The following NCOA3 variants were observed in gnomAD, a reference collection of about 807,000 sequenced individuals.
NCOA3 encodes CBP-interacting protein.
A neutral mutation model predicts 158.8 loss-of-function variants in NCOA3; 51 were observed. The observed-to-expected ratio is 0.32, with a 90% CI of 0.26 to 0.41. The LOEUF (loss-of-function observed/expected upper bound fraction) is 0.41, where lower values mean the gene tolerates loss of function less well. Among genes scored for constraint, NCOA3 ranks in the 10% least tolerant of loss-of-function variants. The probability of loss-of-function intolerance (pLI) is 1.00; values close to 1 mark genes in which losing one functional copy is unlikely to be tolerated. For synonymous variants in NCOA3, 537 were observed against 592.4 expected (o/e 0.91, Z 1.36); for missense variants, 1,510 against 1,746.6 (o/e 0.86, Z 2.41).
rs773972983 is a variant in NCOA3 at position 47,652,421 on chromosome 20, C to G, written c.3962C>G (p.Pro1321Arg). ...TTTTTGTAAGGAATGGGACAACAAC[C>G]AGATCCAGCCTTTGGTCGAGTGTCT... ...YQPNYGMGQQ[P>R]DPAFGRVSSP... Residue 1321 changes from proline to arginine, a missense_variant, in exon 21 of 23, where the codon CCA becomes CGA. Pro to Arg is a moderately radical substitution (Grantham distance 103). Coordinates refer to ENST00000371998, the MANE Select transcript of NCOA3 (RefSeq NM_181659.3). 2.5e-6 allele frequency: 4 copies of G among 1,601,126 alleles called. No individual in the cohort carries two copies. Among genetic ancestry groups the G allele is most frequent in the Non-Finnish European group, 3.4e-6 (4 of 1,169,372 alleles).
intron 1 of NCOA3, among the ~76,000 whole-genome samples, chr20:47,508,330 A>G (rs1449974810): frequency 6.6e-6 from 1 of 152,200 alleles, no homozygotes; most frequent in Non-Finnish European, 1.5e-5. Flanking sequence ...TCATTCTTTT[A>G]AATAGATGTT....
chr20:47,590,760 G>A (rs1039787182), intron 2 of NCOA3, among the ~76,000 whole-genome samples: 3 of 152,036 alleles, frequency 2.0e-5, no homozygotes, highest in Admixed American at 6.6e-5. Flanking sequence ...TCAGTGAGCC[G>A]TGATCGCACC....
chr20:47,620,660 T>C (rs1452995290), intron 2 of NCOA3, among the ~76,000 whole-genome samples: 1 of 152,252 alleles, frequency 6.6e-6, no homozygotes, highest in Non-Finnish European at 1.5e-5. Context: ...AATTTGCATA[T>C]GTAATAGCCT....
intron 1 of NCOA3, among the ~76,000 whole-genome samples, chr20:47,555,863 C>T (rs1190605255): frequency 2.0e-5 from 3 of 150,198 alleles, no homozygotes; most frequent in East Asian, 3.9e-4. Flanking sequence ...AGGATGGTCT[C>T]GATCTCCTGA....
At chr20:47,559,213 G>A (rs2085061427) in intron 1 of NCOA3, among the ~76,000 whole-genome samples, 1 of 152,078 alleles carries the variant, frequency 6.6e-6, no homozygotes, top group Non-Finnish European at 1.5e-5. Context: ...GGTGGTCAGG[G>A]CATTGTCCAA....
intron 3 of NCOA3, 66 bp downstream of exon 3, chr20:47,622,396 A>C: frequency 2.8e-6 from 3 of 1,087,728 alleles, no homozygotes; most frequent in Non-Finnish European, 2.6e-6. Context: ...TAACATTTTA[A>C]CTTCTTGCCA....
chr20:47,578,560 A>G (rs1407090562), intron 1 of NCOA3, among the ~76,000 whole-genome samples: 1 of 152,214 alleles, frequency 6.6e-6, no homozygotes, highest in Non-Finnish European at 1.5e-5. Flanking sequence ...ATAGCTACAG[A>G]TTAGCTGTAG....
At chr20:47,651,622 T>C (rs539322464) in intron 20 of NCOA3, among the ~76,000 whole-genome samples, 1 of 152,152 alleles carries the variant, frequency 6.6e-6, no homozygotes, top group Non-Finnish European at 1.5e-5. Flanking sequence ...GTGAGAGGAA[T>C]GCACTTTGTG....
At chr20:47,555,128 C>A (rs1331009137) in intron 1 of NCOA3, among the ~76,000 whole-genome samples, 1 of 152,148 alleles carries the variant, frequency 6.6e-6, no homozygotes, top group Non-Finnish European at 1.5e-5. Context: ...TATTTACACT[C>A]TTGAAATTTC....
At chr20:47,542,350 T>A (rs1245043224) in intron 1 of NCOA3, among the ~76,000 whole-genome samples, 1 of 151,440 alleles carries the variant, frequency 6.6e-6, no homozygotes, top group Non-Finnish European at 1.5e-5. Context: ...TCCTGTAGAG[T>A]TTCTTATTGT....
intron 1 of NCOA3, among the ~76,000 whole-genome samples, chr20:47,530,409 A>G (rs1394416059): frequency 6.6e-6 from 1 of 151,334 alleles, no homozygotes; most frequent in East Asian, 1.9e-4. Flanking sequence ...TTTTAAAAAG[A>G]TTTGCATAGC....
At chr20:47,570,437 C>A (rs958833696) in intron 1 of NCOA3, among the ~76,000 whole-genome samples, 1 of 152,082 alleles carries the variant, frequency 6.6e-6, no homozygotes, top group East Asian at 1.9e-4. Context: ...AAGACCCTGT[C>A]TCCAAAAAAG....
intron 1 of NCOA3, among the ~76,000 whole-genome samples, chr20:47,575,324 A>ATAT (rs2085355322): frequency 6.6e-6 from 1 of 152,240 alleles, no homozygotes; most frequent in Non-Finnish European, 1.5e-5. Context: ...ATCTATATAT[A>ATAT]CGTATATGTA....
At chr20:47,652,620 C>T in intron 21 of NCOA3, 40 bp downstream of exon 21, 3 of 1,558,204 alleles carry the variant, frequency 1.9e-6, no homozygotes, top group Non-Finnish European at 2.6e-6. Flanking sequence ...ACATCCTAGT[C>T]CCAGAAGTCC....
At chr20:47,571,352 C>CT (rs1158788348) in intron 1 of NCOA3, among the ~76,000 whole-genome samples, 1 of 149,056 alleles carries the variant, frequency 6.7e-6, no homozygotes, top group African/African-American at 2.5e-5. Flanking sequence ...GATTCTCGCT[C>CT]TGTTGCCCAG....
intron 2 of NCOA3, among the ~76,000 whole-genome samples, chr20:47,600,476 G>A (rs1024599665): frequency 5.3e-5 from 8 of 149,990 alleles, no homozygotes; most frequent in African/African-American, 1.7e-4. Flanking sequence ...GCGCATGGCC[G>A]CATTTATAAT....
chr20:47,542,202 A>AT (rs2084755270), intron 1 of NCOA3, among the ~76,000 whole-genome samples: 8 of 149,364 alleles, frequency 5.4e-5, no homozygotes, highest in South Asian at 2.1e-4. Flanking sequence ...GCTACATTAA[A>AT]ATTTTTTTTT....
At chr20:47,652,788 G>A in intron 21 of NCOA3, 143 bp from the exon 22 acceptor site, 3 of 1,055,052 alleles carry the variant, frequency 2.8e-6, no homozygotes, top group East Asian at 2.4e-5. Flanking sequence ...GTGAAAAATG[G>A]ATCACAGGCT....
chr20:47,503,616 G>GT (rs1247509871), intron 1 of NCOA3, among the ~76,000 whole-genome samples: 6 of 152,232 alleles, frequency 3.9e-5, no homozygotes, highest in Non-Finnish European at 7.4e-5. Flanking sequence ...TGGGAATACT[G>GT]TTTTTGCTCT....
Sources: allele counts gnomAD v4.1 joint callset (sites outside exome capture counted in the v4.1 genomes callset), GRCh38; gene constraint gnomAD v4.1.1; transcripts MANE v1.5; gene names NCBI Gene and HGNC (gene_info 2026-07-23, HGNC 2026-07-21).